CELF2: variants seen among roughly 807,000 people sequenced by gnomAD.
The protein encoded by CELF2 is CUG triplet repeat RNA-binding protein 2.
CELF2 carries 8 observed loss-of-function variants against 62.6 expected under a neutral mutation model. That is an observed-to-expected ratio of 0.13 (90% confidence interval 0.07 to 0.23). The LOEUF (loss-of-function observed/expected upper bound fraction) is 0.23, where lower values mean the gene tolerates loss of function less well. Ranked by LOEUF, CELF2 falls within the 10% of genes least tolerant of loss-of-function variation. The pLI, the probability that CELF2 is intolerant of heterozygous loss-of-function variation, is 1.00. For synonymous variants in CELF2, 258 were observed against 250.0 expected (o/e 1.03, Z -0.30); for missense variants, 333 against 671.0 (o/e 0.50, Z 5.56).
Position 11,247,855 on chromosome 10 carries a change from T to G in CELF2, c.355-1298T>G, listed in dbSNP as rs2076081550. 6.6e-6 allele frequency among the ~76,000 whole-genome samples: 1 copy of G among 152,188 alleles called. No homozygotes were observed. Among genetic ancestry groups the G allele is most frequent in the Non-Finnish European group, 1.5e-5 (1 of 68,028 alleles). Reference sequence around the variant, plus strand: ...ACATTCCTCAGCCCAACTCATGGCTTTCCACAGGTGACTTGTCCTGCTTTT... The same window carrying G: ...ACATTCCTCAGCCCAACTCATGGCTGTCCACAGGTGACTTGTCCTGCTTTT... On this transcript the variant is annotated intron_variant, in intron 3 of 12. Transcript: ENST00000633077. The surrounding 1 kb of genome is among the most constrained non-coding windows in gnomAD (Gnocchi z 5.4).
At chr10:10,585,214 A>C in the CELF2 span, among the ~76,000 whole-genome samples, 3 of 152,174 alleles carry the variant, frequency 2.0e-5, no homozygotes, top group Non-Finnish European at 2.9e-5. Context: ...GAATTCCCAA[A>C]ACTCATCCAT....
intron 1 of CELF2, among the ~76,000 whole-genome samples, chr10:11,032,145 C>CA (rs2060211600): frequency 3.4e-5 from 1 of 29,818 alleles, no homozygotes; most frequent in African/African-American, 8.1e-5. Context: ...TAGGGCTTAG[C>CA]CAAAAAAAAA....
chr10:10,635,834 C>T, the CELF2 span, among the ~76,000 whole-genome samples: 3 of 152,146 alleles, frequency 2.0e-5, no homozygotes, highest in East Asian at 5.8e-4. Context: ...ATTAAAGAGA[C>T]ACTGTTTCTG....
the CELF2 span, among the ~76,000 whole-genome samples, chr10:10,568,215 C>G: frequency 6.6e-6 from 1 of 151,742 alleles, no homozygotes; most frequent in African/African-American, 2.4e-5. Flanking sequence ...GGGATGGTAA[C>G]TGCAGGAGGA....
rs765168207 is a variant in CELF2, at chr10:11,319,800, C to T, written c.1097-1389C>T. ...AGCCTAATTCATATCTTACATGTGT[C>T]CTTTTAATTGAAGAGGCGAAGTTGG... On this transcript the variant is annotated intron_variant, in intron 10 of 12. Coordinates refer to ENST00000633077, the MANE Select transcript of CELF2 (RefSeq NM_001326342.2). The surrounding 1 kb of genome is among the most constrained non-coding windows in gnomAD (Gnocchi z 4.4). 6 of 470,924 alleles carry T rather than the reference C, an allele frequency of 1.3e-5. No individual in the cohort carries two copies. The highest frequency in any genetic ancestry group is 1.8e-5 in the Non-Finnish European group (4 of 227,030). The allele number at this position is 470,924 out of a possible 1,614,324, so 29.2% of individuals were successfully genotyped here. A position where few individuals can be genotyped will look rare whatever the true frequency, so the allele number is the denominator to read the frequency against.
the CELF2 span, among the ~76,000 whole-genome samples, chr10:10,790,652 A>C: frequency 6.6e-6 from 1 of 152,142 alleles, no homozygotes; most frequent in Non-Finnish European, 1.5e-5. Flanking sequence ...TTTTAAAAGG[A>C]GGGGTGAATG....
At chr10:10,755,744 C>A in the CELF2 span, among the ~76,000 whole-genome samples, 1 of 152,202 alleles carries the variant, frequency 6.6e-6, no homozygotes, top group Non-Finnish European at 1.5e-5. Flanking sequence ...TACAGTCACT[C>A]TTCAACCACG....
intron 1 of CELF2, among the ~76,000 whole-genome samples, chr10:11,114,364 A>G (rs1343830474): frequency 6.6e-6 from 1 of 152,268 alleles, no homozygotes; most frequent in Non-Finnish European, 1.5e-5. Context: ...GTGAAGGAGT[A>G]TTAATGAATG....
rs765655486 is a variant in CELF2 at position 11,025,233 on chromosome 10, G to GTATATATA, written c.74+7071_74+7072insATATATAT. 4.8e-3 allele frequency among the ~76,000 whole-genome samples: 211 copies of GTATATATA among 43,698 alleles called. 2 individuals are homozygous for GTATATATA. The highest frequency in any genetic ancestry group is 0.026 in the Admixed American group (78 of 2,950). 28.7% of individuals were successfully genotyped at this position (43,698 alleles called of 152,430 possible). ...TGTGTGTGTGTGTGTGTGTGTGTGT[G>GTATATATA]TGTGTGTATATGTATGTGACTGTAT... On this transcript the variant is annotated intron_variant, in intron 1 of 12. Transcript: ENST00000633077.
Position 11,145,802 on chromosome 10 carries a change from G to C in CELF2, c.75-19684G>C, listed in dbSNP as rs182917296. Among the ~76,000 whole-genome samples the C allele has an allele frequency of 6.6e-6, 1 of 152,156 alleles. No homozygotes were observed. The highest frequency in any genetic ancestry group is 2.1e-4 in the South Asian group (1 of 4,834). ...CCAGTATTGGTTGCACTACTGTAGCGTTCTGGGTGCTGGGGATCAGGTTAG... is the reference window on the plus strand; with the variant it reads ...CCAGTATTGGTTGCACTACTGTAGCCTTCTGGGTGCTGGGGATCAGGTTAG... On this transcript the variant is annotated intron_variant, in intron 1 of 12. Transcript: ENST00000633077. This position sits in a 1 kb window ranked among gnomAD's most constrained non-coding sequence, Gnocchi z 4.3.
the CELF2 span, among the ~76,000 whole-genome samples, chr10:10,688,828 T>C: frequency 1.4e-5 from 2 of 147,028 alleles, no homozygotes; most frequent in African/African-American, 5.0e-5. Flanking sequence ...AACAAAACTC[T>C]GTGTATACCA....
In CELF2 at chr10:11,329,768, CTACAGGGTTTAAAAAA is replaced by C. The variant is rs1181339024; in HGVS notation, c.*718_*733del. 8 of 151,918 alleles carry C rather than the reference CTACAGGGTTTAAAAAA, an allele frequency of 5.3e-5. No homozygotes were observed. The highest frequency in any genetic ancestry group is 2.0e-4 in the Admixed American group (3 of 15,266). 9.4% of individuals were successfully genotyped at this position (151,918 alleles called of 1,614,324 possible). A position where few individuals can be genotyped will look rare whatever the true frequency, so the allele number is the denominator to read the frequency against. On this transcript the variant is annotated 3_prime_UTR_variant, in exon 13 of 13. Coordinates refer to ENST00000633077, the MANE Select transcript of CELF2 (RefSeq NM_001326342.2). The surrounding 1 kb of genome is among the most constrained non-coding windows in gnomAD (Gnocchi z 5.5). ...AGATTTAGAGATCTGTTTCTTAAAGCTACAGGGTTTAAAAAATAAAAATGAGTGAAAATACTTGATG... is the reference window on the plus strand; with the variant it reads ...AGATTTAGAGATCTGTTTCTTAAAGCTAAAAATGAGTGAAAATACTTGATG...
In CELF2 at chr10:11,297,519, C is replaced by T. The variant is rs1315456859; in HGVS notation, c.976+8967C>T. Reference sequence around the variant, plus strand: ...GTCAGGGGAGCCAAGCAGGATGGGGCTGGAGGAGGAAAAGGCAGAAAGAGC... The same window carrying T: ...GTCAGGGGAGCCAAGCAGGATGGGGTTGGAGGAGGAAAAGGCAGAAAGAGC... On this transcript the variant is annotated intron_variant, in intron 9 of 12. Coordinates refer to ENST00000633077, the MANE Select transcript of CELF2 (RefSeq NM_001326342.2). The surrounding 1 kb of genome is among the most constrained non-coding windows in gnomAD (Gnocchi z 4.4). Among the ~76,000 whole-genome samples, 1 of 151,982 alleles carries T rather than the reference C, an allele frequency of 6.6e-6. No individual in the cohort carries two copies. Among genetic ancestry groups the T allele is most frequent in the Non-Finnish European group, 1.5e-5 (1 of 67,986 alleles).
At chr10:10,897,501 G>A (rs2062643917) in intron 1 of CELF2, among the ~76,000 whole-genome samples, 1 of 152,162 alleles carries the variant, frequency 6.6e-6, no homozygotes, top group African/African-American at 2.4e-5. Context: ...AAAGAAGGAT[G>A]AGTACTTGAT....
At chr10:11,087,362 A>G (rs190136686) in intron 1 of CELF2, among the ~76,000 whole-genome samples, 1 of 152,326 alleles carries the variant, frequency 6.6e-6, no homozygotes, top group East Asian at 1.9e-4. Flanking sequence ...GAGTAAACCT[A>G]AAGAGTCCTA....
the CELF2 span, among the ~76,000 whole-genome samples, chr10:10,544,345 T>C: frequency 2.0e-5 from 3 of 152,162 alleles, no homozygotes; most frequent in Non-Finnish European, 4.4e-5. Flanking sequence ...GGAGGAATAT[T>C]TTGTCATGCA....
the CELF2 span, among the ~76,000 whole-genome samples, chr10:10,597,950 G>A: frequency 6.6e-6 from 1 of 152,034 alleles, no homozygotes; most frequent in African/African-American, 2.4e-5. Context: ...TAAGATGTAG[G>A]CATGAGCCCT....
the CELF2 span, among the ~76,000 whole-genome samples, chr10:10,551,504 C>G: frequency 1.1e-4 from 17 of 152,074 alleles, no homozygotes; most frequent in Non-Finnish European, 1.8e-4. Context: ...CCCCTCCCCC[C>G]CAGTCTCCAC....
At chr10:10,971,470 C>T (rs530350470) in intron 2 of CELF2, among the ~76,000 whole-genome samples, 23 of 152,348 alleles carry the variant, frequency 1.5e-4, no homozygotes, top group African/African-American at 5.5e-4. Flanking sequence ...AGATGTCCAA[C>T]TCATGCTGCA....
Sources: allele counts gnomAD v4.1 joint callset (sites outside exome capture counted in the v4.1 genomes callset), GRCh38; gene constraint gnomAD v4.1.1; non-coding constraint Gnocchi (gnomAD v3.1); transcripts MANE v1.5; gene names NCBI Gene and HGNC (gene_info 2026-07-23, HGNC 2026-07-21).